XRCC5: variants seen among roughly 807,000 people sequenced by gnomAD.
The protein encoded by XRCC5 is DNA repair protein Ku80.
Under a neutral mutation model 95.7 loss-of-function variants are expected in XRCC5, and 12 were observed. The ratio of observed to expected loss-of-function variants is 0.13; its 90% CI spans 0.08 to 0.20. The LOEUF (loss-of-function observed/expected upper bound fraction) is 0.20, where lower values mean the gene tolerates loss of function less well. Ranked by LOEUF, XRCC5 falls within the 10% of genes least tolerant of loss-of-function variation. XRCC5 has a pLI of 1.00. For synonymous variants in XRCC5, 281 were observed against 290.3 expected (o/e 0.97, Z 0.33); for missense variants, 595 against 873.9 (o/e 0.68, Z 4.02).
chr2:216,125,714 G>GC (rs976496658), intron 6 of XRCC5, among the ~76,000 whole-genome samples: 10 of 152,268 alleles, frequency 6.6e-5, no homozygotes, highest in Admixed American at 2.6e-4. Context: ...AAGTAATTCA[G>GC]CTCCTCTTCC....
intron 14 of XRCC5, among the ~76,000 whole-genome samples, chr2:216,150,998 G>T (rs990588933): frequency 6.6e-6 from 1 of 152,198 alleles, no homozygotes; most frequent in African/African-American, 2.4e-5. Context: ...AATCTTATGA[G>T]ACCACCATTG....
chr2:216,185,791 AT>A (rs1689482892), intron 16 of XRCC5, among the ~76,000 whole-genome samples: 2 of 151,388 alleles, frequency 1.3e-5, no homozygotes, highest in African/African-American at 4.9e-5. Flanking sequence ...TTTCTGGCTA[AT>A]TTTTGTATTT....
rs1345333978 is a variant in XRCC5, at chr2:216,113,217, T to C, written c.135+88T>C. 8.1e-6 allele frequency: 9 copies of C among 1,113,530 alleles called. No homozygotes were observed. In the Admixed American group the frequency reaches 9.5e-5, roughly 12 times the overall value. The allele number at this position is 1,113,530 out of a possible 1,614,324, so 69.0% of individuals were successfully genotyped here. A position where few individuals can be genotyped will look rare whatever the true frequency, so the allele number is the denominator to read the frequency against. On this transcript the variant is annotated intron_variant, in intron 2 of 20. Coordinates refer to ENST00000392132, the MANE Select transcript of XRCC5 (RefSeq NM_021141.4). ...CTAATGCAAGATACCAGCCTCCTTA[T>C]AGTGTCCAGCCCCTCTGTTTGGGGG... is the stretch of plus-strand genomic sequence containing the variant.
intron 15 of XRCC5, among the ~76,000 whole-genome samples, chr2:216,161,089 A>G (rs1688943563): frequency 6.6e-6 from 1 of 152,248 alleles, no homozygotes; most frequent in Non-Finnish European, 1.5e-5. Context: ...AAGGATAGTC[A>G]GGGAATAAAG....
intron 10 of XRCC5, among the ~76,000 whole-genome samples, chr2:216,136,472 A>G (rs1245392412): frequency 1.3e-5 from 2 of 152,282 alleles, no homozygotes; most frequent in East Asian, 1.9e-4. Flanking sequence ...GGAAAGGTCT[A>G]AAGTAGAATT....
chr2:216,115,315 GAGTC>G (rs1696674509), intron 2 of XRCC5, among the ~76,000 whole-genome samples: 1 of 152,176 alleles, frequency 6.6e-6, no homozygotes, highest in Admixed American at 6.5e-5. Flanking sequence ...TAGAGAGAAA[GAGTC>G]AGAATCAGGA....
chr2:216,116,540 A>G (rs551270436), intron 2 of XRCC5, 119 bp from the exon 3 acceptor site: 72 of 1,075,414 alleles, frequency 6.7e-5, no homozygotes, highest in African/African-American at 1.4e-4. Context: ...GCCCAATACT[A>G]TATGGCCCCA....
At chr2:216,137,803 C>T (rs917080249) in intron 11 of XRCC5, among the ~76,000 whole-genome samples, 1 of 152,196 alleles carries the variant, frequency 6.6e-6, no homozygotes, top group Non-Finnish European at 1.5e-5. Context: ...CCAGGTCAAC[C>T]TTCTGGTCAC....
chr2:216,165,695 C>T (rs1370518343), intron 16 of XRCC5, among the ~76,000 whole-genome samples: 1 of 152,156 alleles, frequency 6.6e-6, no homozygotes, highest in East Asian at 1.9e-4. Flanking sequence ...AATCCCTTCC[C>T]CTTTTCTCCA....
At chr2:216,109,628 C>G (rs1696548686) in intron 1 of XRCC5, among the ~76,000 whole-genome samples, 171 bp downstream of exon 1, 1 of 152,116 alleles carries the variant, frequency 6.6e-6, no homozygotes, top group Non-Finnish European at 1.5e-5. Context: ...ATGAGAAAAG[C>G]TGGAGATTTG....
intron 2 of XRCC5, among the ~76,000 whole-genome samples, chr2:216,116,223 A>G (rs1696693000): frequency 6.6e-6 from 1 of 152,084 alleles, no homozygotes; most frequent in Non-Finnish European, 1.5e-5. Flanking sequence ...TCTAGGGTAT[A>G]CTGTATATGC....
At chr2:216,140,390 A>G (rs1697152427) in intron 12 of XRCC5, among the ~76,000 whole-genome samples, 1 of 152,232 alleles carries the variant, frequency 6.6e-6, no homozygotes, top group Non-Finnish European at 1.5e-5. Flanking sequence ...ATGAATCAGT[A>G]AAATGAAAGT....
chr2:216,162,089 A>C, intron 16 of XRCC5, 41 bp downstream of exon 16: 1 of 1,553,632 alleles, frequency 6.4e-7, no homozygotes, highest in Non-Finnish European at 8.9e-7. Context: ...CTGTTTAGTT[A>C]AGCTAACTAA....
chr2:216,110,487 C>A (rs1229587330), intron 1 of XRCC5: 1 of 152,138 alleles, frequency 6.6e-6, no homozygotes, highest in African/African-American at 2.4e-5. Context: ...CTTTGTAGCT[C>A]TAGTGGAGGA....
intron 16 of XRCC5, chr2:216,176,119 A>G (rs953786715): frequency 5.9e-6 from 1 of 168,814 alleles, no homozygotes; most frequent in Non-Finnish European, 1.2e-5. Context: ...TACTAATTCA[A>G]TTTTTTTCTT....
rs73058475 is a variant in XRCC5 at position 216,157,192 on chromosome 2, T to C, written c.1671-2876T>C. On this transcript the variant is annotated intron_variant, in intron 14 of 20. Coordinates refer to ENST00000392132, the MANE Select transcript of XRCC5 (RefSeq NM_021141.4). ...ACTACGTCCCAGCTTTTGCACCTTA[T>C]GCTTTAACCCAATACAACTATTTTC... Among the ~76,000 whole-genome samples, 273 of 152,140 alleles carry C rather than the reference T, an allele frequency of 1.8e-3. 1 individual carries two copies. The highest frequency in any genetic ancestry group is 6.1e-3 in the African/African-American group (254 of 41,492).
intron 18 of XRCC5, among the ~76,000 whole-genome samples, 167 bp from the exon 19 acceptor site, chr2:216,194,752 C>G (rs1414434143): frequency 6.6e-6 from 1 of 152,138 alleles, no homozygotes; most frequent in African/African-American, 2.4e-5. Context: ...GGGAGGATCA[C>G]TTGAGCCCAG....
At chr2:216,137,682 T>C (rs1000132844) in intron 11 of XRCC5, among the ~76,000 whole-genome samples, 3 of 152,100 alleles carry the variant, frequency 2.0e-5, no homozygotes, top group Non-Finnish European at 4.4e-5. Context: ...TGTGAAACGG[T>C]TTATTTAGGG....
chr2:216,167,103 C>T (rs1334515240), intron 16 of XRCC5, among the ~76,000 whole-genome samples: 3 of 152,092 alleles, frequency 2.0e-5, no homozygotes, highest in African/African-American at 7.2e-5. Flanking sequence ...CAAGAGAAGA[C>T]CTAAGTAGAA....
Sources: allele counts gnomAD v4.1 joint callset (sites outside exome capture counted in the v4.1 genomes callset), GRCh38; gene constraint gnomAD v4.1.1; transcripts MANE v1.5; gene names NCBI Gene and HGNC (gene_info 2026-07-23, HGNC 2026-07-21).